Variants in ELMO1 observed in about 807,000 individuals in gnomAD.
The protein encoded by ELMO1 is engulfment and cell motility protein 1.
Under a neutral mutation model 98.9 loss-of-function variants are expected in ELMO1, and 26 were observed. That is an observed-to-expected ratio of 0.26 (90% CI 0.19 to 0.36). The LOEUF is 0.36. Ranked by LOEUF, ELMO1 falls within the 10% of genes least tolerant of loss-of-function variation. The pLI, the probability that ELMO1 is intolerant of heterozygous loss-of-function variation, is 1.00. For missense variants in ELMO1, 627 were observed against 935.2 expected (o/e 0.67, Z 4.30); for synonymous variants, 346 against 346.0 (o/e 1.00, Z 0.00).
At chr7:36,877,210 G>C (rs1485051977) in intron 19 of ELMO1, among the ~76,000 whole-genome samples, 1 of 152,134 alleles carries the variant, frequency 6.6e-6, no homozygotes, top group East Asian at 1.9e-4. Context: ...ACTTTTAAAG[G>C]TTATTTAAAA....
chr7:37,350,770 G>A (rs1045028683), intron 1 of ELMO1, among the ~76,000 whole-genome samples: 3 of 152,132 alleles, frequency 2.0e-5, no homozygotes, highest in African/African-American at 7.2e-5. Context: ...TTAAAATTAG[G>A]TCTTCAGGCC....
chr7:37,433,292 C>T (rs897322706), intron 1 of ELMO1, among the ~76,000 whole-genome samples: 9 of 152,186 alleles, frequency 5.9e-5, no homozygotes, highest in African/African-American at 2.2e-4. Flanking sequence ...ATGGGCTCAG[C>T]CTGGGAACAC....
intron 1 of ELMO1, among the ~76,000 whole-genome samples, chr7:37,352,265 C>T (rs1801305337): frequency 6.6e-6 from 1 of 152,112 alleles, no homozygotes; most frequent in Admixed American, 6.5e-5. Context: ...TGTTCGTAAC[C>T]ACTATGCCAT....
At chr7:37,244,415 G>T in intron 6 of ELMO1, 24 bp from the exon 7 acceptor site, 1 of 1,610,162 alleles carries the variant, frequency 6.2e-7, no homozygotes, top group Non-Finnish European at 8.5e-7. Flanking sequence ...AAACAACCAT[G>T]TGAGGAGCAT....
In ELMO1 at chr7:37,293,119, C is replaced by T. The variant is rs1306277185; in HGVS notation, c.193-21237G>A. Among the ~76,000 whole-genome samples the T allele has an allele frequency of 3.0e-4, 10 of 33,152 alleles. 2 individuals carry two copies. Among genetic ancestry groups the T allele is most frequent in the African/African-American group, 5.1e-4 (10 of 19,632 alleles). 21.7% of individuals were successfully genotyped at this position (33,152 alleles called of 152,430 possible). A position where few individuals can be genotyped will look rare whatever the true frequency, so the allele number is the denominator to read the frequency against. ...GGGGGGGGTCAGCCCCCCGTCCGGC[C>T]AGCCACCCCGTCTGGGAGGTGAGGG... On this transcript the variant is annotated intron_variant, in intron 4 of 21. Coordinates refer to ENST00000310758, the MANE Select transcript of ELMO1 (RefSeq NM_014800.11).
chr7:37,185,153 A>G (rs904474383), intron 13 of ELMO1, among the ~76,000 whole-genome samples: 5 of 152,216 alleles, frequency 3.3e-5, no homozygotes, highest in Non-Finnish European at 7.3e-5. Context: ...AATGCAAAGG[A>G]TCGACAGATT....
At chr7:37,170,832 C>T (rs1435470794) in intron 13 of ELMO1, among the ~76,000 whole-genome samples, 1 of 152,118 alleles carries the variant, frequency 6.6e-6, no homozygotes, top group African/African-American at 2.4e-5. Flanking sequence ...GTCTCAAACT[C>T]ATGGCCTCAA....
intron 17 of ELMO1, among the ~76,000 whole-genome samples, chr7:36,893,686 A>T (rs1805752091): frequency 6.6e-6 from 1 of 152,130 alleles, no homozygotes; most frequent in African/African-American, 2.4e-5. Flanking sequence ...ATATTAGCTG[A>T]GGGGTCAGTA....
intron 1 of ELMO1, among the ~76,000 whole-genome samples, chr7:37,418,731 A>G (rs1351522252): frequency 2.6e-5 from 4 of 152,222 alleles, no homozygotes; most frequent in Non-Finnish European, 4.4e-5. Flanking sequence ...CCAGAAACAC[A>G]CAGATGCGGG....
chr7:37,405,013 T>A (rs754167463), intron 1 of ELMO1, among the ~76,000 whole-genome samples: 31 of 152,154 alleles, frequency 2.0e-4, no homozygotes, highest in Non-Finnish European at 3.4e-4. Flanking sequence ...ATAAGGCGTT[T>A]GCTGAGCAAT....
chr7:37,074,214 TATAA>T (rs1207198640), intron 15 of ELMO1, among the ~76,000 whole-genome samples: 1 of 148,654 alleles, frequency 6.7e-6, no homozygotes, highest in African/African-American at 2.4e-5. Flanking sequence ...ATATATAGGG[TATAA>T]ATATATAGTA....
chr7:37,337,770 C>G (rs796989318), intron 2 of ELMO1, among the ~76,000 whole-genome samples: 1 of 152,050 alleles, frequency 6.6e-6, no homozygotes, highest in South Asian at 2.1e-4. Flanking sequence ...AAAGCAAGGC[C>G]TGAGGGGGCA....
chr7:37,359,729 G>A (rs1801626955), intron 1 of ELMO1, among the ~76,000 whole-genome samples: 1 of 152,190 alleles, frequency 6.6e-6, no homozygotes, highest in Admixed American at 6.5e-5. Flanking sequence ...ACAGTGCCCG[G>A]CACCGAGTAA....
At chr7:37,391,165 G>A (rs1451607911) in intron 1 of ELMO1, among the ~76,000 whole-genome samples, 1 of 151,590 alleles carries the variant, frequency 6.6e-6, no homozygotes, top group African/African-American at 2.4e-5. Flanking sequence ...TGTCCAGGCT[G>A]GAGCGTGGTG....
intron 15 of ELMO1, among the ~76,000 whole-genome samples, chr7:37,061,689 G>A (rs183502931): frequency 3.9e-5 from 6 of 152,150 alleles, no homozygotes; most frequent in Admixed American, 6.5e-5. Context: ...TATGCTGTCT[G>A]CTGCCTTTTA....
chr7:37,220,350 G>A (rs2130514412), intron 10 of ELMO1, among the ~76,000 whole-genome samples: 1 of 152,242 alleles, frequency 6.6e-6, no homozygotes, highest in Non-Finnish European at 1.5e-5. Context: ...GAGCTTGAAT[G>A]AATGAGTCAT....
At chr7:37,245,126 C>G (rs567247668) in intron 6 of ELMO1, among the ~76,000 whole-genome samples, 1 of 152,154 alleles carries the variant, frequency 6.6e-6, no homozygotes, top group Non-Finnish European at 1.5e-5. Flanking sequence ...GCCCAACTCG[C>G]TAAGTCCTAC....
chr7:37,207,315 CCAA>C (rs1792689448), intron 13 of ELMO1, among the ~76,000 whole-genome samples: 1 of 152,152 alleles, frequency 6.6e-6, no homozygotes, highest in Admixed American at 6.5e-5. Flanking sequence ...CTTTGGGAGG[CCAA>C]AGTGGGTGGT....
chr7:37,022,740 C>G (rs1367421836), intron 15 of ELMO1, among the ~76,000 whole-genome samples: 1 of 152,174 alleles, frequency 6.6e-6, no homozygotes, highest in African/African-American at 2.4e-5. Context: ...ATAAACCCAA[C>G]AGAAATGCAT....
Sources: gnomAD v4.1 joint callset for allele counts (sites outside exome capture counted in the v4.1 genomes callset) on GRCh38, gnomAD v4.1.1 for gene constraint, MANE v1.5 for transcripts, NCBI Gene and HGNC (gene_info 2026-07-23, HGNC 2026-07-21) for gene names.